C14orf39: variants seen among roughly 807,000 people sequenced by gnomAD.
C14orf39 encodes the protein protein SIX6OS1.
C14orf39 carries 66 observed loss-of-function variants against 85.6 expected under a neutral mutation model. The observed-to-expected ratio is 0.77, with a 90% CI of 0.63 to 0.95. The LOEUF is 0.95. Among genes scored for constraint, C14orf39 ranks in the 40% least tolerant of loss-of-function variants. C14orf39 has a pLI of 0.00. For synonymous variants in C14orf39, 242 were observed against 214.0 expected (o/e 1.13, Z -1.14); for missense variants, 735 against 663.9 (o/e 1.11, Z -1.18).
chr14:60,466,224 A>G (rs1361438427), intron 10 of C14orf39, among the ~76,000 whole-genome samples, 169 bp from the exon 11 acceptor site: 1 of 152,020 alleles, frequency 6.6e-6, no homozygotes, highest in Non-Finnish European at 1.5e-5. Context: ...ATTCCTTACT[A>G]TATAATAGCT....
At chr14:60,461,298 A>T (rs1891512804) in intron 13 of C14orf39, 56 bp downstream of exon 13, 5 of 1,439,726 alleles carry the variant, frequency 3.5e-6, no homozygotes, top group Non-Finnish European at 3.9e-6. Context: ...TAATGTAAAA[A>T]CCTGATATAA....
At chr14:60,472,633 C>T (rs546374324) in intron 5 of C14orf39, among the ~76,000 whole-genome samples, 19 of 152,066 alleles carry the variant, frequency 1.2e-4, no homozygotes, top group South Asian at 2.1e-4. Flanking sequence ...TTCCCACCTA[C>T]GAGTGAGAAT....
intron 4 of C14orf39, among the ~76,000 whole-genome samples, chr14:60,480,568 A>G (rs1017089352): frequency 6.6e-5 from 10 of 152,350 alleles, no homozygotes; most frequent in Admixed American, 5.9e-4. Flanking sequence ...AACTAAAAAT[A>G]GAATTACCAT....
chr14:60,478,277 TA>T, intron 5 of C14orf39, 22 bp downstream of exon 5: 1 of 1,227,506 alleles, frequency 8.1e-7, no homozygotes, highest in Non-Finnish European at 1.1e-6. Flanking sequence ...ATAGAATTGA[TA>T]AACTTCATAT....
intron 1 of C14orf39, among the ~76,000 whole-genome samples, chr14:60,510,183 G>C (rs1313306312): frequency 2.0e-5 from 3 of 152,120 alleles, no homozygotes; most frequent in Non-Finnish European, 4.4e-5. Context: ...ACGCCTGCGG[G>C]CAGCTGCAGC....
intron 16 of C14orf39, among the ~76,000 whole-genome samples, chr14:60,444,861 C>T (rs1390923754): frequency 6.6e-6 from 1 of 152,162 alleles, no homozygotes; most frequent in Admixed American, 6.6e-5. Flanking sequence ...AGACTAACAG[C>T]AGATCTCTCA....
In C14orf39 at chr14:60,442,440, T is replaced by A. The variant is rs538027580; in HGVS notation, c.1504-309A>T. Reference sequence around the variant, plus strand: ...CTTTTAACAAATCAGGTTGTTGGTATTTTTTTTGCCTATAAAAGTAACAGG... The same window carrying A: ...CTTTTAACAAATCAGGTTGTTGGTAATTTTTTTGCCTATAAAAGTAACAGG... On this transcript the variant is annotated intron_variant, in intron 16 of 17. Coordinates refer to ENST00000321731, the MANE Select transcript of C14orf39 (RefSeq NM_174978.3). Among the ~76,000 whole-genome samples the A allele has an allele frequency of 2.6e-5, 4 of 151,980 alleles. No individual in the cohort carries two copies. The South Asian group carries it at 8.3e-4, about 32-fold the overall frequency.
Position 60,509,508 on chromosome 14 carries a change from T to C in C14orf39, c.-144+5887A>G, listed in dbSNP as rs786204851. The C allele has an allele frequency of 6.2e-7, 1 of 1,604,990 alleles. No individual in the cohort carries two copies. On this transcript the variant is annotated intron_variant, in intron 1 of 5. Transcript: ENST00000556799. ...CGCCTGGGTCGCTTCCTCTGGTCGC[T>C]GCCCGTGGCCCCTGCGGCCTGCGAG...
Position 60,455,006 on chromosome 14 carries a change from C to A in C14orf39, c.1498G>T (p.Asp500Tyr), listed in dbSNP as rs1175710595. The A allele has an allele frequency of 3.2e-6, 5 of 1,539,980 alleles. No homozygotes were observed. The African/African-American group carries it at 5.7e-5, about 18-fold the overall frequency. The change falls in exon 16 of 18, where the codon GAT (aspartate) becomes TAT (tyrosine). Residue 500 changes from aspartate (D) to tyrosine (Y), a missense_variant. By Grantham distance (160) the Asp-to-Tyr change is radical (BLOSUM62 -3). Transcript: ENST00000321731. ...CTTTTGGCTTCTCATATTACCTGAT[C>A]TGATGAGATTTCTGTATCAAATACA... ...SSVFDTEISS[D>Y]QFNEHYSARN...
chr14:60,505,445 T>C (rs1183552648), intron 1 of C14orf39, among the ~76,000 whole-genome samples: 2 of 152,132 alleles, frequency 1.3e-5, no homozygotes, highest in Non-Finnish European at 2.9e-5. Flanking sequence ...CTCGGAAAAA[T>C]GCCTTTTAAA....
chr14:60,511,078 C>T (rs770759922), intron 1 of C14orf39: 33 of 1,612,374 alleles, frequency 2.0e-5, no homozygotes, highest in Non-Finnish European at 2.7e-5. Context: ...CCTTTCTTCC[C>T]CGTAGACTCC....
At chr14:60,473,049 C>T (rs1411895445) in intron 5 of C14orf39, among the ~76,000 whole-genome samples, 4 of 152,190 alleles carry the variant, frequency 2.6e-5, no homozygotes, top group Non-Finnish European at 5.9e-5. Flanking sequence ...TATTTCCCCA[C>T]ATCCTCTCCA....
At chr14:60,492,499 C>G (rs962582069) in intron 2 of C14orf39, among the ~76,000 whole-genome samples, 1 of 151,878 alleles carries the variant, frequency 6.6e-6, no homozygotes, top group Non-Finnish European at 1.5e-5. Flanking sequence ...ACGGGCCCGG[C>G]GCAATGGCTC....
chr14:60,512,178 G>A (rs1043215711), intron 1 of C14orf39: 2 of 152,246 alleles, frequency 1.3e-5, no homozygotes, highest in East Asian at 1.9e-4. Context: ...CTTGACACTC[G>A]TTTACATGAA....
intron 1 of C14orf39, chr14:60,511,536 G>C (rs1893294655): frequency 1.8e-6 from 1 of 560,638 alleles, no homozygotes; most frequent in African/African-American, 1.9e-5. Flanking sequence ...GTCTCCTTCG[G>C]AACCCGAACT....
In C14orf39 at chr14:60,491,672, C is replaced by T. The variant is rs571113725; in HGVS notation, c.-8-6586G>A. Among the ~76,000 whole-genome samples, 6 of 152,204 alleles carry T rather than the reference C, an allele frequency of 3.9e-5. No homozygotes were observed. In the South Asian group the frequency reaches 8.3e-4, roughly 21 times the overall value. On this transcript the variant is annotated intron_variant, in intron 2 of 5. Coordinates refer to the C14orf39 transcript ENST00000556799. The surrounding 1 kb of genome is among the most constrained non-coding windows in gnomAD (Gnocchi z 4.5). Reference sequence around the variant, plus strand: ...ATCCATTTTTCTCTATTTCAGCTGCCGCCATCTAAATTCATTCTCTCACCT... The same window carrying T: ...ATCCATTTTTCTCTATTTCAGCTGCTGCCATCTAAATTCATTCTCTCACCT...
At chr14:60,494,878 T>C (rs1241709801) in intron 2 of C14orf39, 1 of 154,044 alleles carries the variant, frequency 6.5e-6, no homozygotes, top group Non-Finnish European at 1.4e-5. Flanking sequence ...GCAGCTGACC[T>C]TGTCTACATC....
rs34082126 is a variant in C14orf39 at position 60,471,657 on chromosome 14, G to T, written c.406C>A (p.Arg136Ser). The change falls in exon 6 of 18, where the codon CGT becomes AGT. Residue 136 changes from arginine (R) to serine (S), a missense_variant. By Grantham distance (110) the Arg-to-Ser change is moderately radical. Transcript: ENST00000321731. ...TCTCTTTTCTTCTCATAATATTCAC[G>T]TGAAAAGGGTGTTTCTGAGTATTTT... ...QLKYSETPFS[R>S]EYYEKKREHE... 3.1e-6 allele frequency: 5 copies of T among 1,609,116 alleles called. No homozygotes were observed. The highest frequency in any genetic ancestry group is 3.4e-6 in the Non-Finnish European group (4 of 1,176,796).
In C14orf39 at chr14:60,459,938, A is replaced by G. The variant is rs573289919; in HGVS notation, c.1118-1199T>C. On this transcript the variant is annotated intron_variant, in intron 13 of 17. Coordinates refer to ENST00000321731, the MANE Select transcript of C14orf39 (RefSeq NM_174978.3). ...TTTTATGGTATCTTTTGATAAACAG[A>G]AATTCTTAATTTTAATATTGCCAAA... 4.6e-5 allele frequency among the ~76,000 whole-genome samples: 7 copies of G among 151,870 alleles called. No homozygotes were observed. In the South Asian group the frequency reaches 1.5e-3, roughly 31 times the overall value.
Sources: allele counts gnomAD v4.1 joint callset (sites outside exome capture counted in the v4.1 genomes callset), GRCh38; gene constraint gnomAD v4.1.1; non-coding constraint Gnocchi (gnomAD v3.1); transcripts MANE v1.5; gene names NCBI Gene and HGNC (gene_info 2026-07-23, HGNC 2026-07-21).